The following PDZRN4 variants were observed in gnomAD, a reference collection of about 807,000 sequenced individuals.
PDZRN4 encodes the protein PDZ domain containing ring finger 4.
In PDZRN4, 70 loss-of-function variants were observed where a neutral mutation model predicts 99.0. The observed-to-expected ratio is 0.71, with a 90% CI of 0.58 to 0.86. The LOEUF (loss-of-function observed/expected upper bound fraction) is 0.86, where lower values mean the gene tolerates loss of function less well. Among genes scored for constraint, PDZRN4 ranks in the 40% least tolerant of loss-of-function variants. PDZRN4 has a pLI of 0.00. For missense variants in PDZRN4, 1,474 were observed against 1,331.2 expected (o/e 1.11, Z -1.67); for synonymous variants, 551 against 501.6 (o/e 1.10, Z -1.32).
In PDZRN4 at chr12:41,563,650, G is replaced by A. The variant is rs1216363153; in HGVS notation, c.1467+1G>A. 8 of 1,606,632 alleles carry A rather than the reference G, an allele frequency of 5.0e-6. No individual in the cohort carries two copies. The highest frequency in any genetic ancestry group is 6.8e-6 in the Non-Finnish European group (8 of 1,173,770). The stretch of plus-strand genomic sequence containing the variant: ...GCTTGTTGCAAGGCCAGAGATTCAG[G>A]TCAGAACAGAGATCAAAAGCCTTGA... On this transcript the variant is annotated splice_donor_variant, in intron 8 of 9. Transcript: ENST00000402685. LOFTEE classifies it high-confidence loss of function.
chr12:41,301,794 G>C (rs1272009594), intron 3 of PDZRN4, among the ~76,000 whole-genome samples: 1 of 152,130 alleles, frequency 6.6e-6, no homozygotes, highest in East Asian at 1.9e-4. Context: ...GAAAGAGCCT[G>C]GGATTTGCTT....
At chr12:41,409,586 C>T (rs1952378057) in intron 3 of PDZRN4, 1 of 152,096 alleles carries the variant, frequency 6.6e-6, no homozygotes. Flanking sequence ...TTCAGAAATA[C>T]CAACGTATGA....
At chr12:41,286,151 C>G (rs1293129744) in intron 3 of PDZRN4, among the ~76,000 whole-genome samples, 1 of 151,846 alleles carries the variant, frequency 6.6e-6, no homozygotes, top group Non-Finnish European at 1.5e-5. Flanking sequence ...ACTAAGGAGA[C>G]TATTCTGCCT....
chr12:41,498,758 C>G (rs1332406955), intron 3 of PDZRN4, among the ~76,000 whole-genome samples: 1 of 152,074 alleles, frequency 6.6e-6, no homozygotes, highest in East Asian at 1.9e-4. Context: ...TATATAAATA[C>G]TTTAAATTTG....
intron 3 of PDZRN4, among the ~76,000 whole-genome samples, chr12:41,359,462 A>T (rs1181950077): frequency 6.6e-6 from 1 of 152,016 alleles, no homozygotes; most frequent in Non-Finnish European, 1.5e-5. Flanking sequence ...CTGCACTGAC[A>T]TGGTTTGGTT....
intron 3 of PDZRN4, among the ~76,000 whole-genome samples, chr12:41,470,620 T>C (rs1250078880): frequency 6.6e-6 from 1 of 152,142 alleles, no homozygotes; most frequent in African/African-American, 2.4e-5. Context: ...CATTTAGCAT[T>C]AGGTTTATCT....
chr12:41,470,701 T>C (rs1243749758), intron 3 of PDZRN4, among the ~76,000 whole-genome samples: 2 of 152,132 alleles, frequency 1.3e-5, no homozygotes, highest in African/African-American at 4.8e-5. Flanking sequence ...CCTTCCTGTG[T>C]CCATGTGTTC....
chr12:41,570,488 T>C (rs1285150479), intron 9 of PDZRN4, among the ~76,000 whole-genome samples: 1 of 152,208 alleles, frequency 6.6e-6, no homozygotes, highest in Non-Finnish European at 1.5e-5. Flanking sequence ...ATGGAAAGTT[T>C]CATTTTACAC....
chr12:41,384,721 GTCA>G (rs1952154725), intron 3 of PDZRN4, among the ~76,000 whole-genome samples: 1 of 152,128 alleles, frequency 6.6e-6, no homozygotes, highest in Admixed American at 6.6e-5. Context: ...CTCTGCCAAA[GTCA>G]TCATATGTTG....
intron 3 of PDZRN4, among the ~76,000 whole-genome samples, chr12:41,415,038 G>A (rs1952432765): frequency 1.3e-5 from 2 of 152,114 alleles, no homozygotes; most frequent in South Asian, 4.1e-4. Context: ...CAATGTTATG[G>A]ATTCAGGTAT....
chr12:41,397,957 A>G (rs905586235), intron 3 of PDZRN4, among the ~76,000 whole-genome samples: 1 of 152,148 alleles, frequency 6.6e-6, no homozygotes, highest in Non-Finnish European at 1.5e-5. Flanking sequence ...CATTAGAGTC[A>G]CAAGAACTCA....
intron 3 of PDZRN4, among the ~76,000 whole-genome samples, chr12:41,201,167 T>TAA (rs5797714): frequency 0.048 from 6,993 of 146,874 alleles, 178 homozygotes; most frequent in Non-Finnish European, 0.054. Flanking sequence ...TTTGTGCAAT[T>TAA]AAAAAAAAAA....
chr12:41,335,076 CAT>C (rs1434736675), intron 3 of PDZRN4, among the ~76,000 whole-genome samples: 2 of 151,852 alleles, frequency 1.3e-5, no homozygotes, highest in African/African-American at 4.8e-5. Flanking sequence ...AAAATATAAA[CAT>C]ATTAAATATA....
intron 3 of PDZRN4, among the ~76,000 whole-genome samples, chr12:41,457,006 A>T (rs764901603): frequency 1.5e-4 from 23 of 152,278 alleles, no homozygotes; most frequent in Admixed American, 5.2e-4. Context: ...GGAAGACAGG[A>T]TTGTTTCCCT....
At chr12:41,499,847 A>G (rs1938079955) in intron 3 of PDZRN4, among the ~76,000 whole-genome samples, 2 of 152,226 alleles carry the variant, frequency 1.3e-5, no homozygotes, top group South Asian at 4.1e-4. Context: ...GTCACAATCT[A>G]TTAACTAAAT....
chr12:41,402,188 TATACACACACACTGAGTATAC>T (rs1317652668), intron 3 of PDZRN4, among the ~76,000 whole-genome samples: 2 of 105,082 alleles, frequency 1.9e-5, no homozygotes, highest in African/African-American at 8.3e-5. Context: ...TATATATATA[TATACACACACACTGAGTATAC>T]ATATATATAC....
intron 3 of PDZRN4, among the ~76,000 whole-genome samples, chr12:41,276,531 AT>A (rs1263171497): frequency 6.6e-6 from 1 of 152,130 alleles, no homozygotes; most frequent in Non-Finnish European, 1.5e-5. Flanking sequence ...CATACATCAT[AT>A]TTATACATGT....
At chr12:41,520,741 T>C (rs1373956283) in intron 5 of PDZRN4, among the ~76,000 whole-genome samples, 1 of 151,838 alleles carries the variant, frequency 6.6e-6, no homozygotes, top group African/African-American at 2.4e-5. Flanking sequence ...TTTTGGCTCA[T>C]TTCAAACCCA....
chr12:41,269,254 A>C (rs1444460660), intron 3 of PDZRN4, among the ~76,000 whole-genome samples: 1 of 152,240 alleles, frequency 6.6e-6, no homozygotes, highest in Non-Finnish European at 1.5e-5. Context: ...TCAATCATCT[A>C]AATATGATTC....
Sources: gnomAD v4.1 joint callset for allele counts (sites outside exome capture counted in the v4.1 genomes callset) on GRCh38, gnomAD v4.1.1 for gene constraint, MANE v1.5 for transcripts, NCBI Gene and HGNC (gene_info 2026-07-23, HGNC 2026-07-21) for gene names.